SYBU: variants seen among roughly 807,000 people sequenced by gnomAD.
SYBU encodes GOLSYN A protein.
A neutral mutation model predicts 35.9 loss-of-function variants in SYBU; 21 were observed. The observed-to-expected ratio is 0.58, with a 90% CI of 0.41 to 0.84. The LOEUF (loss-of-function observed/expected upper bound fraction) is 0.84, where lower values mean the gene tolerates loss of function less well. Among genes scored for constraint, SYBU ranks in the 40% least tolerant of loss-of-function variants. The probability of loss-of-function intolerance (pLI) is 0.00; values close to 1 mark genes in which losing one functional copy is unlikely to be tolerated. For missense variants in SYBU, 768 were observed against 848.2 expected (o/e 0.91, Z 1.17); for synonymous variants, 319 against 324.3 (o/e 0.98, Z 0.18).
At chr8:109,644,517 TC>T (rs59295888) in intron 1 of SYBU, 118 bp downstream of exon 1, 298,877 of 1,230,596 alleles carry the variant, frequency 0.24, 41,714 homozygotes, top group African/African-American at 0.54. Flanking sequence ...CACCACCACC[TC>T]CTTCCACCTT....
intron 2 of SYBU, among the ~76,000 whole-genome samples, chr8:109,625,216 T>C (rs905812808): frequency 6.6e-6 from 1 of 152,202 alleles, no homozygotes; most frequent in African/African-American, 2.4e-5. Flanking sequence ...TTAAAATGTT[T>C]CCACAAAGAA....
At chr8:109,609,572 A>C (rs757456993) in intron 3 of SYBU, among the ~76,000 whole-genome samples, 2 of 152,206 alleles carry the variant, frequency 1.3e-5, no homozygotes, top group African/African-American at 2.4e-5. Flanking sequence ...GTCCCATGCT[A>C]TCCAGTGACA....
chr8:109,677,034 A>ATGTG lies in SYBU; in HGVS notation c.-129+3673_-129+3676dup, dbSNP rs10638682. Among the ~76,000 whole-genome samples the ATGTG allele has an allele frequency of 1.4e-3, 209 of 146,150 alleles. 2 individuals carry two copies. The highest frequency in any genetic ancestry group is 3.4e-3 in the Middle Eastern group (1 of 290). On this transcript the variant is annotated intron_variant, in intron 1 of 5. Coordinates refer to the SYBU transcript ENST00000408889. ...CTTTTCTCTGTCTTTCAGGGTGTTC[A>ATGTG]TGTGTGTGTGTGTGTGTGTGTGAAG...
chr8:109,639,873 A>G (rs929277788), intron 2 of SYBU, among the ~76,000 whole-genome samples: 1 of 151,996 alleles, frequency 6.6e-6, no homozygotes, highest in African/African-American at 2.4e-5. Context: ...CCACCCACCA[A>G]CCGGCCTCCT....
At chr8:109,667,989 C>T (rs989254260) in intron 1 of SYBU, among the ~76,000 whole-genome samples, 1 of 151,978 alleles carries the variant, frequency 6.6e-6, no homozygotes, top group African/African-American at 2.4e-5. Context: ...TGAGAGCTGG[C>T]GTGACACCAC....
chr8:109,669,236 G>A (rs1002202035), intron 1 of SYBU, among the ~76,000 whole-genome samples: 1 of 151,504 alleles, frequency 6.6e-6, no homozygotes. Context: ...CAGCTACTCG[G>A]GAGGCTGAGG....
intron 3 of SYBU, 139 bp from the exon 4 acceptor site, chr8:109,586,301 C>T (rs1823614615): frequency 1.6e-6 from 1 of 625,684 alleles, no homozygotes; most frequent in Non-Finnish European, 2.8e-6. Flanking sequence ...CTTCCAGGCT[C>T]ACAGCATTTT....
At chr8:109,608,418 A>T (rs1370359328) in intron 3 of SYBU, among the ~76,000 whole-genome samples, 1 of 152,130 alleles carries the variant, frequency 6.6e-6, no homozygotes, top group Non-Finnish European at 1.5e-5. Flanking sequence ...GGCAAACACC[A>T]AGCACTTTGA....
chr8:109,644,836 A>C, upstream of SYBU: 2 of 613,830 alleles, frequency 3.3e-6, no homozygotes, highest in Non-Finnish European at 5.1e-6. Context: ...CTCCGAGGGC[A>C]CGCCCGACCC....
At position 109,691,592 on chromosome 8, in the gene SYBU, G is replaced by A; in HGVS notation, c.-317C>T. On this transcript the variant is annotated 5_prime_UTR_variant, in exon 1 of 8. Transcript: ENST00000422135. The surrounding 1 kb of genome is among the most constrained non-coding windows in gnomAD (Gnocchi z 4.7). ...TGCAGCCAGCCGGGCGGCTGCTGGG[G>A]CTGAGGACAAAATGGAGAGAAGGGC... 2.3e-6 allele frequency: 1 copy of A among 432,598 alleles called. No individual in the cohort carries two copies. The highest frequency in any genetic ancestry group is 5.0e-5 in the South Asian group (1 of 19,808). 26.8% of individuals were successfully genotyped at this position (432,598 alleles called of 1,614,324 possible). A position where few individuals can be genotyped will look rare whatever the true frequency, so the allele number is the denominator to read the frequency against.
At chr8:109,656,102 C>T (rs1214856379) in intron 1 of SYBU, among the ~76,000 whole-genome samples, 2 of 141,306 alleles carry the variant, frequency 1.4e-5, no homozygotes, top group Non-Finnish European at 3.0e-5. Flanking sequence ...GACAACAGAG[C>T]GAGACTCCGT....
At chr8:109,612,051 T>G (rs1044975617) in intron 3 of SYBU, among the ~76,000 whole-genome samples, 6 of 152,210 alleles carry the variant, frequency 3.9e-5, no homozygotes, top group Admixed American at 3.3e-4. Context: ...AGGTGGACTT[T>G]ACTACTATGG....
At chr8:109,608,802 T>C (rs1236245985) in intron 3 of SYBU, among the ~76,000 whole-genome samples, 1 of 152,226 alleles carries the variant, frequency 6.6e-6, no homozygotes, top group Non-Finnish European at 1.5e-5. Flanking sequence ...ATTGAGCACA[T>C]ACTGTATGCC....
At chr8:109,631,557 G>A (rs995084349) in intron 2 of SYBU, among the ~76,000 whole-genome samples, 10 of 152,170 alleles carry the variant, frequency 6.6e-5, no homozygotes, top group Non-Finnish European at 1.3e-4. Flanking sequence ...AACACGGGCC[G>A]AGTACTTGGT....
At position 109,618,918 on chromosome 8, in the gene SYBU, C is replaced by T. The variant is rs769597274; in HGVS notation, c.351G>A (p.Thr117=). The change falls in exon 3 of 7, where the codon ACG becomes ACA. Residue 117 remains threonine (T), a synonymous_variant. Transcript: ENST00000276646. ...TGCTTCCTTCACCAACCATTCCAAT[C>T]GTGCATTTCTTTCTGGTGAAGCCTT... is the stretch of plus-strand genomic sequence containing the variant. ...SDEGFTRKKC[T]IGMVGEGSIQ... is the part of the protein sequence containing the mutation. The T allele has an allele frequency of 5.2e-5, 84 of 1,614,054 alleles. No individual in the cohort carries two copies. The East Asian group carries it at 1.8e-3, about 35-fold the overall frequency.
chr8:109,647,281 A>T (rs930919526), upstream of SYBU: 3 of 151,422 alleles, frequency 2.0e-5, no homozygotes, highest in Admixed American at 1.3e-4. Flanking sequence ...GATACTGCTC[A>T]AACTGTAGCA....
chr8:109,612,211 G>A (rs535867683), intron 3 of SYBU, among the ~76,000 whole-genome samples: 6 of 152,110 alleles, frequency 3.9e-5, no homozygotes, highest in Non-Finnish European at 8.8e-5. Context: ...ATTGATATTA[G>A]GATGAAATGA....
In SYBU at chr8:109,644,813, C is replaced by G. The variant is rs903845589; in HGVS notation, c.-154G>C. 13 of 723,766 alleles carry G rather than the reference C, an allele frequency of 1.8e-5. No individual in the cohort carries two copies. The highest frequency in any genetic ancestry group is 8.7e-5 in the Admixed American group (2 of 23,042). The allele number at this position is 723,766 out of a possible 1,614,324, so 44.8% of individuals were successfully genotyped here. A position where few individuals can be genotyped will look rare whatever the true frequency, so the allele number is the denominator to read the frequency against. On this transcript the variant is annotated 5_prime_UTR_variant, in exon 1 of 7. Transcript: ENST00000276646. ...AACGCGCCGCCGCCGCCACTGCCGC[C>G]GATTGCTCTGGGCTCCGAGGGCACG...
intron 1 of SYBU, among the ~76,000 whole-genome samples, chr8:109,664,560 C>A (rs1187203464): frequency 2.0e-5 from 3 of 152,064 alleles, no homozygotes; most frequent in African/African-American, 7.2e-5. Flanking sequence ...TAACACCTGG[C>A]AGTCCCAGTG....
Sources: gnomAD v4.1 joint callset for allele counts (sites outside exome capture counted in the v4.1 genomes callset) on GRCh38, gnomAD v4.1.1 for gene constraint, Gnocchi (gnomAD v3.1) non-coding constraint, MANE v1.5 for transcripts, NCBI Gene and HGNC (gene_info 2026-07-23, HGNC 2026-07-21) for gene names.